TRPM2: variants seen among roughly 807,000 people sequenced by gnomAD.
TRPM2 encodes estrogen-responsive element-associated gene 1 protein.
Under a neutral mutation model 174.0 loss-of-function variants are expected in TRPM2, and 161 were observed. That is an observed-to-expected ratio of 0.93 (90% CI 0.81 to 1.05). TRPM2 has a LOEUF of 1.05. TRPM2 is among the 50% of genes least tolerant of loss of function. The pLI, the probability that TRPM2 is intolerant of heterozygous loss-of-function variation, is 0.00. For synonymous variants in TRPM2, 954 were observed against 861.3 expected (o/e 1.11, Z -1.88); for missense variants, 2,057 against 2,038.0 (o/e 1.01, Z -0.18).
chr21:44,374,600 T>C (rs1399030906), intron 5 of TRPM2, among the ~76,000 whole-genome samples: 4 of 152,148 alleles, frequency 2.6e-5, no homozygotes, highest in Non-Finnish European at 5.9e-5. Context: ...GACAGATCAT[T>C]AGGCATTAGA....
At chr21:44,429,614 T>C (rs1184503038) in intron 27 of TRPM2, among the ~76,000 whole-genome samples, 1 of 152,172 alleles carries the variant, frequency 6.6e-6, no homozygotes, top group Non-Finnish European at 1.5e-5. Flanking sequence ...TTTTCAATTT[T>C]TAAAAATATA....
chr21:44,440,989 A>T (rs1414028814), intron 31 of TRPM2, 84 bp downstream of exon 31: 1 of 1,189,378 alleles, frequency 8.4e-7, no homozygotes, highest in African/African-American at 1.5e-5. Flanking sequence ...GTTGGCAGGG[A>T]TGGGGGTCTG....
At position 44,367,484 on chromosome 21, in the gene TRPM2, G is replaced by T. The variant is rs770501836; in HGVS notation, c.604+550G>T. Among the ~76,000 whole-genome samples the T allele has an allele frequency of 3.0e-4, 46 of 152,238 alleles. No homozygotes were observed. Among genetic ancestry groups the T allele is most frequent in the Non-Finnish European group, 6.6e-4 (45 of 68,034 alleles). ...TGGAGTCAAATCACCTCCCAAGGTT[G>T]CACCACTGGTGAGAGCCAGGCAGGG... On this transcript the variant is annotated intron_variant, in intron 4 of 31. Transcript: ENST00000397928. The surrounding 1 kb of genome is among the most constrained non-coding windows in gnomAD (Gnocchi z 4.6).
Position 44,363,411 on chromosome 21 carries a change from T to C in TRPM2, c.255-703T>C, listed in dbSNP as rs558743062. On this transcript the variant is annotated intron_variant, in intron 2 of 31. Coordinates refer to ENST00000397928, the MANE Select transcript of TRPM2 (RefSeq NM_003307.4). ...TGTTCTTATTGGGCAATTTCTACTG[T>C]TATATCTTCCTGCTCCTGGGTTCTT... Among the ~76,000 whole-genome samples the C allele has an allele frequency of 2.0e-5, 3 of 152,302 alleles. No individual in the cohort carries two copies. In the East Asian group the frequency reaches 5.8e-4, roughly 29 times the overall value.
At chr21:44,410,936 CTCACT>C (rs2050089091) in intron 19 of TRPM2, among the ~76,000 whole-genome samples, 1 of 148,604 alleles carries the variant, frequency 6.7e-6, no homozygotes. Context: ...AAGTTTTGAC[CTCACT>C]GTCTTGGTGA....
At chr21:44,410,814 G>A (rs1785457) in intron 19 of TRPM2, among the ~76,000 whole-genome samples, 5 of 42,610 alleles carry the variant, frequency 1.2e-4, no homozygotes, top group South Asian at 7.4e-4. Flanking sequence ...AGTTTTGACC[G>A]CACTGTCTTG....
rs1381877570 is a variant in TRPM2, at chr21:44,401,661, C to T, written c.2322-20C>T. ...CTGGCCCTGGTGGTCACTGTCTCCT[C>T]TCTGCTGTGACGGCCGCAGGGAGAA... is the stretch of plus-strand genomic sequence containing the variant. On this transcript the variant is annotated intron_variant, in intron 15 of 31. Coordinates refer to ENST00000397928, the MANE Select transcript of TRPM2 (RefSeq NM_003307.4). 2 of 1,610,314 alleles carry T rather than the reference C, an allele frequency of 1.2e-6. No individual in the cohort carries two copies. The highest frequency in any genetic ancestry group is 2.2e-5 in the South Asian group (2 of 91,060).
intron 6 of TRPM2, 43 bp from the exon 7 acceptor site, chr21:44,377,669 T>C (rs1290276208): frequency 6.2e-7 from 1 of 1,611,364 alleles, no homozygotes. Flanking sequence ...GGCTCCGTGC[T>C]TTGTTTAGGT....
intron 27 of TRPM2, among the ~76,000 whole-genome samples, chr21:44,428,369 G>C (rs905573552): frequency 1.3e-5 from 2 of 151,594 alleles, no homozygotes; most frequent in Non-Finnish European, 2.9e-5. Context: ...CCCCTCCCCT[G>C]AGGTGTGGCT....
intron 15 of TRPM2, 57 bp downstream of exon 15, chr21:44,400,428 T>C: frequency 2.1e-6 from 3 of 1,460,220 alleles, no homozygotes; most frequent in Non-Finnish European, 2.8e-6. Flanking sequence ...CGGGAGAGGC[T>C]CCTGGGGGCT....
chr21:44,367,803 G>A lies in TRPM2; in HGVS notation c.604+869G>A, dbSNP rs2048403376. On this transcript the variant is annotated intron_variant, in intron 4 of 31. Transcript: ENST00000397928. This position sits in a 1 kb window ranked among gnomAD's most constrained non-coding sequence, Gnocchi z 4.6. ...CACAGAGTCCTCAGTTTCATTGTCT[G>A]CCTGGTGAGCGTGAGGCACGGCTGC... 6.6e-6 allele frequency among the ~76,000 whole-genome samples: 1 copy of A among 152,216 alleles called. No homozygotes were observed. The highest frequency in any genetic ancestry group is 2.4e-5 in the African/African-American group (1 of 41,456).
Position 44,391,349 on chromosome 21 carries a change from C to A in TRPM2, c.1518C>A (p.Asn506Lys). Reference sequence around the variant, plus strand: ...AGTTTGTGAAGCTCTTCCTGGAGAACGGGGTGCAGCTGAAGGAGTTTGTCA... The same window carrying A: ...AGTTTGTGAAGCTCTTCCTGGAGAAAGGGGTGCAGCTGAAGGAGTTTGTCA... The part of the protein sequence containing the change: ...KPEFVKLFLE[N>K]GVQLKEFVTW... Residue 506 changes from asparagine to lysine, a missense_variant, in exon 11 of 32, where the codon AAC (asparagine) becomes AAA (lysine). Transcript: ENST00000397928. This position sits in a 1 kb window ranked among gnomAD's most constrained non-coding sequence, Gnocchi z 5.0. The A allele has an allele frequency of 6.2e-7, 1 of 1,614,172 alleles. No homozygotes were observed. Among genetic ancestry groups the A allele is most frequent in the South Asian group, 1.1e-5 (1 of 91,088 alleles).
Position 44,397,584 on chromosome 21 carries a change from G to A in TRPM2, c.1933-163G>A, listed in dbSNP as rs978584524. ...CATCAGAGGTTGTGTATTGACTGGG[G>A]TGGGGCTTAAGTTGTCTGTATAGAT... On this transcript the variant is annotated intron_variant, in intron 12 of 31. Transcript: ENST00000397928. Among the ~76,000 whole-genome samples, 4 of 152,028 alleles carry A rather than the reference G, an allele frequency of 2.6e-5. No homozygotes were observed. The South Asian group carries it at 6.2e-4, about 24-fold the overall frequency.
In TRPM2 at chr21:44,354,015, A is replaced by C; in HGVS notation, c.165+150A>C. 2.1e-6 allele frequency: 2 copies of C among 931,610 alleles called. No homozygotes were observed. The highest frequency in any genetic ancestry group is 3.1e-6 in the Non-Finnish European group (2 of 648,888). 57.7% of individuals were successfully genotyped at this position (931,610 alleles called of 1,614,324 possible). A position where few individuals can be genotyped will look rare whatever the true frequency, so the allele number is the denominator to read the frequency against. On this transcript the variant is annotated intron_variant, in intron 1 of 31. Coordinates refer to ENST00000397928, the MANE Select transcript of TRPM2 (RefSeq NM_003307.4). The surrounding 1 kb of genome is among the most constrained non-coding windows in gnomAD (Gnocchi z 4.3). ...CCAACCATACCTTTGGGAGAACAGA[A>C]CTGGGGAGGGTGATGCGTGTCTCGT...
chr21:44,361,125 G>T (rs1434123036), intron 2 of TRPM2, among the ~76,000 whole-genome samples: 3 of 152,096 alleles, frequency 2.0e-5, no homozygotes, highest in African/African-American at 7.2e-5. Flanking sequence ...ATCCATCCAA[G>T]TTGCTGCTTG....
rs1233881654 is a variant in TRPM2, at chr21:44,376,934, C to T, written c.953-778C>T. Reference sequence around the variant, plus strand: ...GCTGCAGTTCAGGGACCAGGGACCACACTTTGAGAACCCTGCTTGACTAGT... The same window carrying T: ...GCTGCAGTTCAGGGACCAGGGACCATACTTTGAGAACCCTGCTTGACTAGT... On this transcript the variant is annotated intron_variant, in intron 6 of 31. Transcript: ENST00000397928. The surrounding 1 kb of genome is among the most constrained non-coding windows in gnomAD (Gnocchi z 4.2). 6.6e-6 allele frequency among the ~76,000 whole-genome samples: 1 copy of T among 151,542 alleles called. No homozygotes were observed. Among genetic ancestry groups the T allele is most frequent in the Non-Finnish European group, 1.5e-5 (1 of 67,954 alleles).
intron 19 of TRPM2, among the ~76,000 whole-genome samples, chr21:44,407,421 T>C (rs2049942090): frequency 6.9e-6 from 1 of 144,380 alleles, no homozygotes; most frequent in Non-Finnish European, 1.5e-5. Context: ...CCACCATGCC[T>C]GCCAGAGAGA....
At chr21:44,377,302 G>A (rs915375564) in intron 6 of TRPM2, among the ~76,000 whole-genome samples, 4 of 152,304 alleles carry the variant, frequency 2.6e-5, no homozygotes, top group Middle Eastern at 3.4e-3. Flanking sequence ...TCGCATCCAC[G>A]CGTGGCAGGT....
chr21:44,382,091 T>A (rs140049000), intron 8 of TRPM2, among the ~76,000 whole-genome samples: 2 of 151,672 alleles, frequency 1.3e-5, no homozygotes, highest in Admixed American at 1.3e-4. Context: ...GATGGAAAGA[T>A]GGATGGATGG....
Sources: allele counts gnomAD v4.1 joint callset (sites outside exome capture counted in the v4.1 genomes callset), GRCh38; gene constraint gnomAD v4.1.1; non-coding constraint Gnocchi (gnomAD v3.1); transcripts MANE v1.5; gene names NCBI Gene and HGNC (gene_info 2026-07-23, HGNC 2026-07-21).